Variants in RALGAPB observed in about 807,000 individuals in gnomAD.
The protein encoded by RALGAPB is ral GTPase-activating protein subunit beta.
RALGAPB carries 25 observed loss-of-function variants against 161.1 expected under a neutral mutation model. That is an observed-to-expected ratio of 0.16 (90% CI 0.11 to 0.22). The LOEUF (loss-of-function observed/expected upper bound fraction) is 0.22, where lower values mean the gene tolerates loss of function less well. Among genes scored for constraint, RALGAPB ranks in the 10% least tolerant of loss-of-function variants. The probability of loss-of-function intolerance (pLI) is 1.00; values close to 1 mark genes in which losing one functional copy is unlikely to be tolerated. For missense variants in RALGAPB, 1,391 were observed against 1,815.2 expected (o/e 0.77, Z 4.25); for synonymous variants, 629 against 626.1 (o/e 1.00, Z -0.07).
chr20:38,497,457 T>C lies in RALGAPB; in HGVS notation c.494T>C (p.Val165Ala). The C allele has an allele frequency of 6.2e-7, 1 of 1,614,032 alleles. No homozygotes were observed. The highest frequency in any genetic ancestry group is 8.5e-7 in the Non-Finnish European group (1 of 1,179,994). The stretch of plus-strand genomic sequence containing the variant: ...CTCATGGCCCGAGAAACTTGGGAAG[T>C]CTTACTGTTGTTTCTTCTGCAGATT... ...SSLMARETWE[V>A]LLLFLLQIND... The change falls in exon 4 of 30, where the codon GTC (valine) becomes GCC (alanine). Residue 165 changes from valine to alanine, a missense_variant. Coordinates refer to ENST00000262879, the MANE Select transcript of RALGAPB (RefSeq NM_020336.4).
intron 29 of RALGAPB, 145 bp from the exon 30 acceptor site, chr20:38,574,629 T>C (rs1417681059): frequency 1.3e-6 from 1 of 787,940 alleles, no homozygotes; most frequent in East Asian, 2.6e-5. Context: ...ATCTTAGCAC[T>C]ATGTCTATCT....
intron 3 of RALGAPB, among the ~76,000 whole-genome samples, chr20:38,494,502 G>A (rs1422185950): frequency 1.3e-5 from 2 of 152,130 alleles, no homozygotes; most frequent in Non-Finnish European, 2.9e-5. Context: ...GTGGCGGCAT[G>A]TGCTTATAAT....
rs572967348 is a variant in RALGAPB at position 38,574,885 on chromosome 20, A to G, written c.4403A>G (p.Asn1468Ser). ...AAACAGAAAATCACCGACATTGTCAACAAGTACCGGAACAAGCAGCTGGAG... is the reference window on the plus strand; with the variant it reads ...AAACAGAAAATCACCGACATTGTCAGCAAGTACCGGAACAAGCAGCTGGAG... ...RRKQKITDIV[N>S]KYRNKQLEPE... The change falls in exon 30 of 30, where the codon AAC becomes AGC. Residue 1468 changes from asparagine to serine, a missense_variant. Physicochemically the swap from Asn to Ser is conservative, Grantham distance 46. Around this residue, in one of 3 missense-constraint regions of RALGAPB, gnomAD observed 436 missense variants for 527.0 expected, o/e 0.83. Coordinates refer to ENST00000262879, the MANE Select transcript of RALGAPB (RefSeq NM_020336.4). The G allele has an allele frequency of 5.6e-6, 9 of 1,614,048 alleles. No homozygotes were observed. Among genetic ancestry groups the G allele is most frequent in the African/African-American group, 1.3e-5 (1 of 75,048 alleles).
intron 19 of RALGAPB, 21 bp from the exon 20 acceptor site, chr20:38,548,668 T>C (rs1601016910): frequency 6.4e-7 from 1 of 1,567,484 alleles, no homozygotes; most frequent in Non-Finnish European, 8.8e-7. Flanking sequence ...TTAAAACTTT[T>C]ATATACATAT....
intron 1 of RALGAPB, 99 bp downstream of exon 1, chr20:38,473,168 C>T (rs1053692407): frequency 3.7e-5 from 12 of 322,154 alleles, no homozygotes; most frequent in Middle Eastern, 8.3e-4. Flanking sequence ...TGTTTCTCGG[C>T]TCTGGGTGCT....
At chr20:38,514,141 G>C (rs1272419503) in intron 6 of RALGAPB, among the ~76,000 whole-genome samples, 1 of 152,208 alleles carries the variant, frequency 6.6e-6, no homozygotes, top group Non-Finnish European at 1.5e-5. Flanking sequence ...AGTCTTACTA[G>C]GCTCCATGAA....
chr20:38,555,726 TATC>T (rs962692988), intron 22 of RALGAPB, among the ~76,000 whole-genome samples: 1 of 152,170 alleles, frequency 6.6e-6, no homozygotes, highest in South Asian at 2.1e-4. Context: ...AGAAAATAAT[TATC>T]ATGCTTTCTC....
rs575544072 is a variant in RALGAPB, at chr20:38,497,485, C to T, written c.522C>T (p.Asn174=). The T allele has an allele frequency of 1.7e-5, 28 of 1,613,954 alleles. No individual in the cohort carries two copies. Among genetic ancestry groups the T allele is most frequent in the African/African-American group, 1.1e-4 (8 of 75,004 alleles). Residue 174 remains asparagine, a synonymous_variant, in exon 4 of 30, where the codon AAC becomes AAT. Transcript: ENST00000262879. ...EVLLLFLLQI[N]DILLAPPTVQ... is the part of the protein sequence containing the mutation. ...TACTGTTGTTTCTTCTGCAGATTAACGACATACTTCTGGCCCCACCAACTG... is the reference window on the plus strand; with the variant it reads ...TACTGTTGTTTCTTCTGCAGATTAATGACATACTTCTGGCCCCACCAACTG...
At position 38,539,917 on chromosome 20, in the gene RALGAPB, T is replaced by A. The variant is rs773627666; in HGVS notation, c.2521T>A (p.Cys841Ser). The A allele has an allele frequency of 3.1e-6, 5 of 1,614,088 alleles. No individual in the cohort carries two copies. The Admixed American group carries it at 6.7e-5, about 22-fold the overall frequency. The change falls in exon 17 of 30, where the codon TGT (cysteine) becomes AGT (serine). Residue 841 changes from cysteine to serine, a missense_variant. Physicochemically the swap from Cys to Ser is moderately radical, Grantham distance 112. Transcript: ENST00000262879. ...GATAGTGGCAGCTTTTCAGTGTCTC[T>A]GTGTCTGGCTGACAGAGCACCCTGA... Reference protein sequence around the residue: ...SMIVAAFQCLCVWLTEHPDML... With the variant: ...SMIVAAFQCLSVWLTEHPDML...
At chr20:38,508,186 CAT>C (rs756714976) in intron 5 of RALGAPB, among the ~76,000 whole-genome samples, 50 of 151,588 alleles carry the variant, frequency 3.3e-4, no homozygotes, top group Non-Finnish European at 6.5e-4. Context: ...ATATGTCAAA[CAT>C]ATTACATATA....
intron 1 of RALGAPB, among the ~76,000 whole-genome samples, chr20:38,478,327 G>C (rs1005836075): frequency 6.6e-6 from 1 of 152,206 alleles, no homozygotes; most frequent in Non-Finnish European, 1.5e-5. Flanking sequence ...TAACCTTCTA[G>C]GGTTGTTATT....
chr20:38,516,785 C>T (rs922850843), intron 7 of RALGAPB, among the ~76,000 whole-genome samples: 3 of 152,282 alleles, frequency 2.0e-5, no homozygotes, highest in Middle Eastern at 3.4e-3. Context: ...GGACCATTCT[C>T]ATGTATATCA....
intron 9 of RALGAPB, among the ~76,000 whole-genome samples, chr20:38,519,094 T>G (rs532929408): frequency 6.6e-6 from 1 of 152,338 alleles, no homozygotes; most frequent in Non-Finnish European, 1.5e-5. Context: ...ATATAAAGAT[T>G]TTTGGGAATA....
At chr20:38,508,169 A>G (rs2085823699) in intron 5 of RALGAPB, among the ~76,000 whole-genome samples, 1 of 151,778 alleles carries the variant, frequency 6.6e-6, no homozygotes, top group Non-Finnish European at 1.5e-5. Flanking sequence ...AGTAATATGC[A>G]ATGTGTATAT....
intron 1 of RALGAPB, among the ~76,000 whole-genome samples, chr20:38,475,239 A>T (rs1256724932): frequency 6.6e-6 from 1 of 152,224 alleles, no homozygotes; most frequent in Non-Finnish European, 1.5e-5. Flanking sequence ...TATTTGGTAA[A>T]TACAAGCAGA....
At chr20:38,539,651 T>C (rs953696543) in intron 16 of RALGAPB, 125 bp from the exon 17 acceptor site, 38 of 807,812 alleles carry the variant, frequency 4.7e-5, no homozygotes, top group Non-Finnish European at 6.3e-5. Flanking sequence ...ATAAATAATA[T>C]AAAAAAGCAA....
In RALGAPB at chr20:38,553,951, G is replaced by A; in HGVS notation, c.3247G>A (p.Glu1083Lys). 1 of 1,613,564 alleles carries A rather than the reference G, an allele frequency of 6.2e-7. No homozygotes were observed. Among genetic ancestry groups the A allele is most frequent in the Non-Finnish European group, 8.5e-7 (1 of 1,179,620 alleles). ...EIHLEQQSEE[E>K]LQKRSFPDPV... ...ACACCTTGAGCAACAGAGTGAGGAG[G>A]AATTGCAGAAGAGAAGTTTTCCTGA... The change falls in exon 22 of 30, where the codon GAA (glutamate) becomes AAA (lysine). Residue 1083 changes from glutamate (E) to lysine (K), a missense_variant. Around this residue, in one of 3 missense-constraint regions of RALGAPB, gnomAD observed 436 missense variants for 527.0 expected, o/e 0.83. Transcript: ENST00000262879.
At chr20:38,570,638 T>A in intron 27 of RALGAPB, 131 bp from the exon 28 acceptor site, 1 of 454,612 alleles carries the variant, frequency 2.2e-6, no homozygotes, top group South Asian at 5.4e-5. Flanking sequence ...ATAATTAAGA[T>A]GATATTTCAG....
At chr20:38,514,746 G>T (rs1251000182) in intron 6 of RALGAPB, among the ~76,000 whole-genome samples, 2 of 152,190 alleles carry the variant, frequency 1.3e-5, no homozygotes, top group Non-Finnish European at 2.9e-5. Flanking sequence ...ACTTGTGTAT[G>T]CCCACCTGCC....
Sources: gnomAD v4.1 joint callset for allele counts (sites outside exome capture counted in the v4.1 genomes callset) on GRCh38, gnomAD v4.1.1 for gene constraint, gnomAD v4.1.1 regional missense constraint, MANE v1.5 for transcripts, NCBI Gene and HGNC (gene_info 2026-07-23, HGNC 2026-07-21) for gene names.